Variants in OR9Q1 observed in about 807,000 individuals in gnomAD.
OR9Q1 encodes olfactory receptor family 9 subfamily Q member 1, also known as olfactory receptor 9Q1.
For missense variants in OR9Q1, 374 were observed against 378.8 expected (o/e 0.99, Z 0.11); for synonymous variants, 153 against 148.6 (o/e 1.03, Z -0.22).
chr11:58,046,873 GA>G (rs927248189), intron 1 of OR9Q1, among the ~76,000 whole-genome samples: 3 of 150,412 alleles, frequency 2.0e-5, no homozygotes, highest in East Asian at 3.9e-4. Flanking sequence ...TAAAAAAAAA[GA>G]AAAAAAAAGA....
intron 1 of OR9Q1, among the ~76,000 whole-genome samples, chr11:58,025,077 T>C (rs556222859): frequency 1.3e-5 from 2 of 152,330 alleles, no homozygotes; most frequent in East Asian, 3.9e-4. Context: ...ATAACACCTC[T>C]ATATCAAGAA....
chr11:58,054,094 T>C (rs1009549821), intron 1 of OR9Q1, among the ~76,000 whole-genome samples: 9 of 152,164 alleles, frequency 5.9e-5, no homozygotes, highest in East Asian at 1.9e-4. Flanking sequence ...CATCACATTG[T>C]GCCCCATGAA....
chr11:58,036,611 G>A (rs749107786), intron 1 of OR9Q1, among the ~76,000 whole-genome samples: 1 of 152,224 alleles, frequency 6.6e-6, no homozygotes, highest in Non-Finnish European at 1.5e-5. Context: ...ATGGGAGGAG[G>A]TCAAAATATC....
At chr11:58,100,545 G>A (rs1036970978) in intron 2 of OR9Q1, among the ~76,000 whole-genome samples, 15 of 151,910 alleles carry the variant, frequency 9.9e-5, no homozygotes, top group African/African-American at 7.3e-5. Flanking sequence ...ACATGTTTAC[G>A]CTTTATGGTG....
chr11:58,160,438 T>TTTGTTGTTGTTGTTG (rs138422584), intron 2 of OR9Q1, among the ~76,000 whole-genome samples: 5 of 150,202 alleles, frequency 3.3e-5, no homozygotes, highest in African/African-American at 1.2e-4. Context: ...GAGTAGAATA[T>TTTGTTGTTGTTGTTG]TTGTTGTTGT....
At chr11:58,028,618 G>A (rs114824450) in intron 1 of OR9Q1, among the ~76,000 whole-genome samples, 6,087 of 152,210 alleles carry the variant, frequency 0.04, 125 homozygotes, top group East Asian at 0.061. Flanking sequence ...GGTGATCATT[G>A]TTTGGAGGCT....
chr11:58,035,453 A>C (rs1853092357), intron 1 of OR9Q1, among the ~76,000 whole-genome samples: 1 of 152,222 alleles, frequency 6.6e-6, no homozygotes, highest in Admixed American at 6.5e-5. Context: ...TCTTTATGGC[A>C]GTGTCAACTC....
chr11:58,084,483 A>C (rs1205338835), intron 2 of OR9Q1, among the ~76,000 whole-genome samples: 1 of 151,802 alleles, frequency 6.6e-6, no homozygotes, highest in East Asian at 1.9e-4. Flanking sequence ...ACAGAGACTA[A>C]AGGGAAAAAG....
chr11:58,104,241 C>T (rs1853818731), intron 2 of OR9Q1, among the ~76,000 whole-genome samples: 1 of 151,654 alleles, frequency 6.6e-6, no homozygotes, highest in South Asian at 2.1e-4. Context: ...AAGGCCATGA[C>T]CTGCCATATG....
At chr11:58,034,765 T>TCCTTCCTTCCTTCCTTCCTTCCTTCCTC (rs1853081027) in intron 1 of OR9Q1, among the ~76,000 whole-genome samples, 1 of 130,862 alleles carries the variant, frequency 7.6e-6, no homozygotes, top group African/African-American at 2.8e-5. Context: ...CTTCCTTCCT[T>TCCTTCCTTCCTTCCTTCCTTCCTTCCTC]CCTTCTTCCT....
chr11:58,061,930 T>C (rs1272542462), intron 2 of OR9Q1, among the ~76,000 whole-genome samples: 2 of 152,220 alleles, frequency 1.3e-5, no homozygotes, highest in Non-Finnish European at 2.9e-5. Context: ...CGTATACTAA[T>C]ATGAGCAAAA....
chr11:58,086,539 A>T (rs1853635641), intron 2 of OR9Q1, among the ~76,000 whole-genome samples: 1 of 151,768 alleles, frequency 6.6e-6, no homozygotes, highest in African/African-American at 2.4e-5. Flanking sequence ...TCAGTATCTT[A>T]AAAAAAATCT....
chr11:58,105,423 C>T (rs189749622), intron 2 of OR9Q1, among the ~76,000 whole-genome samples: 91 of 152,184 alleles, frequency 6.0e-4, no homozygotes, highest in African/African-American at 2.0e-3. Flanking sequence ...TATAAAACCA[C>T]GACCAAAATC....
intron 2 of OR9Q1, among the ~76,000 whole-genome samples, chr11:58,078,801 A>C (rs760993981): frequency 1.3e-5 from 2 of 152,198 alleles, no homozygotes; most frequent in Non-Finnish European, 2.9e-5. Context: ...GAAAACATCG[A>C]ATGGAGCTGA....
chr11:58,168,932 T>A (rs1854530302), intron 2 of OR9Q1, among the ~76,000 whole-genome samples: 1 of 152,168 alleles, frequency 6.6e-6, no homozygotes, highest in Non-Finnish European at 1.5e-5. Flanking sequence ...TCACATTATC[T>A]CAAGTGTAAC....
chr11:58,092,590 T>C (rs1231621516), intron 2 of OR9Q1, among the ~76,000 whole-genome samples: 1 of 152,174 alleles, frequency 6.6e-6, no homozygotes, highest in African/African-American at 2.4e-5. Context: ...AGTCGATATA[T>C]TCTAAGCCAC....
intron 2 of OR9Q1, chr11:58,119,128 A>G (rs1853996123): frequency 1.2e-6 from 2 of 1,614,042 alleles, no homozygotes; most frequent in Non-Finnish European, 1.7e-6. Context: ...GCCTGCACAG[A>G]TGGTGAATAA....
At chr11:58,036,305 G>C (rs1312571815) in intron 1 of OR9Q1, among the ~76,000 whole-genome samples, 1 of 152,146 alleles carries the variant, frequency 6.6e-6, no homozygotes, top group African/African-American at 2.4e-5. Flanking sequence ...CTACTGCTCG[G>C]GAAAGAATAG....
At chr11:58,095,944 T>C (rs4939180) in intron 2 of OR9Q1, among the ~76,000 whole-genome samples, 84,631 of 151,950 alleles carry the variant, frequency 0.56, 24,580 homozygotes, top group South Asian at 0.74. Context: ...TAGGTCTCAG[T>C]GTGGTAGAAG....
Sources: gnomAD v4.1 joint callset for allele counts (sites outside exome capture counted in the v4.1 genomes callset) on GRCh38, gnomAD v4.1.1 for gene constraint, MANE v1.5 for transcripts, NCBI Gene and HGNC (gene_info 2026-07-23, HGNC 2026-07-21) for gene names.